The following ZNF407 variants were observed in gnomAD, a reference collection of about 807,000 sequenced individuals.
ZNF407 encodes the protein zinc finger protein 407.
A neutral mutation model predicts 131.2 loss-of-function variants in ZNF407; 17 were observed. The ratio of observed to expected loss-of-function variants is 0.13; its 90% CI spans 0.09 to 0.19. The LOEUF (loss-of-function observed/expected upper bound fraction) is 0.19. Among genes scored for constraint, ZNF407 ranks in the 10% least tolerant of loss-of-function variants. The pLI is 1.00. For missense variants in ZNF407, 2,681 were observed against 2,830.6 expected (o/e 0.95, Z 1.20); for synonymous variants, 1,156 against 1,062.0 (o/e 1.09, Z -1.72).
At chr18:74,985,834 T>G (rs1469989584) in intron 8 of ZNF407, among the ~76,000 whole-genome samples, 1 of 152,162 alleles carries the variant, frequency 6.6e-6, no homozygotes, top group Non-Finnish European at 1.5e-5. Context: ...CTTCCTAACC[T>G]TAGACCACAC....
intron 7 of ZNF407, among the ~76,000 whole-genome samples, chr18:74,890,425 T>G (rs559761502): frequency 6.6e-6 from 1 of 152,356 alleles, no homozygotes; most frequent in African/African-American, 2.4e-5. Flanking sequence ...TTTGACAAAT[T>G]TATGACATGT....
At chr18:74,869,842 A>G (rs1971062927) in intron 4 of ZNF407, among the ~76,000 whole-genome samples, 1 of 152,198 alleles carries the variant, frequency 6.6e-6, no homozygotes, top group South Asian at 2.1e-4. Context: ...AAAGTTGAAA[A>G]TATTTACTAT....
chr18:74,607,858 A>G (rs970246547), intron 1 of ZNF407, among the ~76,000 whole-genome samples: 1 of 152,228 alleles, frequency 6.6e-6, no homozygotes, highest in African/African-American at 2.4e-5. Flanking sequence ...ATCTGGAAAG[A>G]CTTCAGTGCC....
intron 4 of ZNF407, among the ~76,000 whole-genome samples, chr18:74,856,184 C>T (rs551614749): frequency 7.2e-5 from 11 of 152,318 alleles, no homozygotes; most frequent in African/African-American, 2.6e-4. Context: ...GCATATCATG[C>T]TGCGACCCAC....
intron 6 of ZNF407, among the ~76,000 whole-genome samples, chr18:74,888,235 A>T (rs1223630678): frequency 6.6e-6 from 1 of 151,054 alleles, no homozygotes; most frequent in Non-Finnish European, 1.5e-5. Context: ...ATTACTATAC[A>T]TTTTTTTTTG....
intron 3 of ZNF407, among the ~76,000 whole-genome samples, chr18:74,701,274 T>C (rs1967487885): frequency 6.6e-6 from 1 of 152,214 alleles, no homozygotes; most frequent in African/African-American, 2.4e-5. Flanking sequence ...TTATCACCTG[T>C]GCTGTTTGGC....
chr18:74,699,341 T>C (rs540690168), intron 3 of ZNF407, among the ~76,000 whole-genome samples: 1 of 152,298 alleles, frequency 6.6e-6, no homozygotes, highest in South Asian at 2.1e-4. Context: ...AACATTCTTG[T>C]CAATGATAAA....
At chr18:74,948,559 T>C (rs944386563) in intron 8 of ZNF407, among the ~76,000 whole-genome samples, 1 of 152,234 alleles carries the variant, frequency 6.6e-6, no homozygotes, top group Non-Finnish European at 1.5e-5. Context: ...TCCCCGACAC[T>C]ACCAAGTTAA....
At chr18:74,973,164 T>A (rs1972492134) in intron 8 of ZNF407, among the ~76,000 whole-genome samples, 1 of 152,104 alleles carries the variant, frequency 6.6e-6, no homozygotes. Flanking sequence ...ATAAACATTA[T>A]AAATACATAA....
chr18:74,974,194 T>C (rs1386880358), intron 8 of ZNF407, among the ~76,000 whole-genome samples: 1 of 152,130 alleles, frequency 6.6e-6, no homozygotes, highest in African/African-American at 2.4e-5. Context: ...TCCTTCGAAG[T>C]AGACGATTTT....
Position 74,762,821 on chromosome 18 carries a change from C to G in ZNF407, c.4803-18607C>G, listed in dbSNP as rs559877613. On this transcript the variant is annotated intron_variant, in intron 3 of 8. Transcript: ENST00000299687. ...GAGCAGAATTACATTGTTTCTTTATCCCTTTGTTTATCCATTCTCCTTTCT... is the reference window on the plus strand; with the variant it reads ...GAGCAGAATTACATTGTTTCTTTATGCCTTTGTTTATCCATTCTCCTTTCT... 2.6e-5 allele frequency among the ~76,000 whole-genome samples: 4 copies of G among 151,786 alleles called. No homozygotes were observed. In the South Asian group the frequency reaches 8.3e-4, roughly 32 times the overall value.
At chr18:74,966,997 A>T (rs1452425776) in intron 8 of ZNF407, among the ~76,000 whole-genome samples, 1 of 152,216 alleles carries the variant, frequency 6.6e-6, no homozygotes, top group Non-Finnish European at 1.5e-5. Flanking sequence ...ACAGTGGCTC[A>T]CACCTGTAAT....
At chr18:75,044,180 G>A (rs1253839856) in intron 8 of ZNF407, among the ~76,000 whole-genome samples, 1 of 151,942 alleles carries the variant, frequency 6.6e-6, no homozygotes, top group African/African-American at 2.4e-5. Context: ...TTACAGAACT[G>A]ATATTAGATC....
intron 8 of ZNF407, among the ~76,000 whole-genome samples, chr18:75,042,864 G>C (rs1052653789): frequency 1.3e-5 from 2 of 152,132 alleles, no homozygotes; most frequent in Admixed American, 1.3e-4. Context: ...TCCCATTGCT[G>C]CACATCCACT....
intron 1 of ZNF407, 93 bp from the exon 2 acceptor site, chr18:74,630,874 G>A (rs1405900528): frequency 1.1e-6 from 1 of 950,260 alleles, no homozygotes; most frequent in African/African-American, 1.7e-5. Context: ...GTGTTTCATT[G>A]GGGCTAACTT....
intron 3 of ZNF407, among the ~76,000 whole-genome samples, chr18:74,725,698 T>G (rs996262377): frequency 1.3e-5 from 2 of 152,224 alleles, no homozygotes; most frequent in Non-Finnish European, 1.5e-5. Flanking sequence ...AGGTCATTTT[T>G]TAAACTATAA....
chr18:74,626,463 G>T (rs1418606729), intron 1 of ZNF407, among the ~76,000 whole-genome samples: 1 of 152,146 alleles, frequency 6.6e-6, no homozygotes, highest in Non-Finnish European at 1.5e-5. Context: ...ACATGATCAC[G>T]TATGGCCTTG....
chr18:75,063,958 G>A lies in ZNF407; in HGVS notation c.6237G>A (p.Met2079Ile). Residue 2079 changes from methionine (M) to isoleucine (I), a missense_variant, in exon 9 of 9, where the codon ATG becomes ATA. Met to Ile is a conservative substitution (Grantham distance 10). Transcript: ENST00000299687. This position sits in a 1 kb window ranked among gnomAD's most constrained non-coding sequence, Gnocchi z 6.6. ...QERAQVAFKK[M>I]VQGVLQFAVC... Reference sequence around the variant, plus strand: ...GGGCACAGGTGGCCTTCAAGAAGATGGTCCAGGGCGTCCTCCAGTTTGCTG... The same window carrying A: ...GGGCACAGGTGGCCTTCAAGAAGATAGTCCAGGGCGTCCTCCAGTTTGCTG... 2 of 1,613,756 alleles carry A rather than the reference G, an allele frequency of 1.2e-6. No individual in the cohort carries two copies. Among genetic ancestry groups the A allele is most frequent in the South Asian group, 1.1e-5 (1 of 91,032 alleles).
At chr18:74,804,263 T>C (rs1281390862) in intron 4 of ZNF407, 2 of 1,221,448 alleles carry the variant, frequency 1.6e-6, no homozygotes, top group East Asian at 6.5e-5. Flanking sequence ...TTTTAAAAAT[T>C]GAGTACTCAG....
Sources: gnomAD v4.1 joint callset for allele counts (sites outside exome capture counted in the v4.1 genomes callset) on GRCh38, gnomAD v4.1.1 for gene constraint, Gnocchi (gnomAD v3.1) non-coding constraint, MANE v1.5 for transcripts, NCBI Gene and HGNC (gene_info 2026-07-23, HGNC 2026-07-21) for gene names.